Variants in UGGT1 observed in about 807,000 individuals in gnomAD.
The protein encoded by UGGT1 is UDP-glucose glycoprotein glucosyltransferase 1, also known as UDP-glucose:glycoprotein glucosyltransferase 1.
UGGT1 carries 107 observed loss-of-function variants against 203.9 expected under a neutral mutation model. That is an observed-to-expected ratio of 0.52 (90% CI 0.45 to 0.62). UGGT1 has a LOEUF of 0.62. Ranked by LOEUF, UGGT1 falls within the 20% of genes least tolerant of loss-of-function variation. The probability of loss-of-function intolerance (pLI) is 0.00; values close to 1 mark genes in which losing one functional copy is unlikely to be tolerated. For synonymous variants in UGGT1, 628 were observed against 653.5 expected, an observed-to-expected ratio of 0.96 and a Z score of 0.59; for missense variants, 1,673 against 1,867.2, an observed-to-expected ratio of 0.90 and a Z score of 1.92.
intron 5 of UGGT1, among the ~76,000 whole-genome samples, chr2:128,110,333 G>A (rs1383354372): frequency 2.0e-5 from 3 of 152,148 alleles, no homozygotes; most frequent in South Asian, 4.1e-4. Context: ...TGATCTCTCC[G>A]TGGGGTTGGC....
Position 128,138,852 on chromosome 2 carries a change from T to C in UGGT1, c.1719T>C (p.His573=), listed in dbSNP as rs774886371. ...DDYHAFQTLT[H]IYNKVRTGEK... is the part of the protein sequence containing the mutation. Reference sequence around the variant, plus strand: ...ATCATGCCTTCCAGACTCTGACACATGTACGTTTTTGTTCAGAATGGCAAA... The same window carrying C: ...ATCATGCCTTCCAGACTCTGACACACGTACGTTTTTGTTCAGAATGGCAAA... The change falls in exon 16 of 41, where the codon CAT becomes CAC. Residue 573 remains histidine, a splice_region_variant and synonymous_variant. Transcript: ENST00000259253. The C allele has an allele frequency of 2.5e-6, 4 of 1,611,624 alleles. No individual in the cohort carries two copies. The highest frequency in any genetic ancestry group is 3.4e-6 in the Non-Finnish European group (4 of 1,179,420).
intron 9 of UGGT1, 37 bp downstream of exon 9, chr2:128,120,493 T>C (rs1420358486): frequency 1.3e-6 from 2 of 1,567,358 alleles, no homozygotes; most frequent in African/African-American, 2.7e-5. Context: ...GCCTACTTTT[T>C]GGCTAAGTTT....
At chr2:128,095,803 A>G (rs1687093865) in intron 1 of UGGT1, among the ~76,000 whole-genome samples, 1 of 152,228 alleles carries the variant, frequency 6.6e-6, no homozygotes, top group African/African-American at 2.4e-5. Flanking sequence ...CAGGATGTTA[A>G]CACAAATGAT....
At chr2:128,123,694 T>C (rs768267564) in intron 11 of UGGT1, among the ~76,000 whole-genome samples, 2 of 152,200 alleles carry the variant, frequency 1.3e-5, no homozygotes, top group Non-Finnish European at 2.9e-5. Context: ...TCTATCCATC[T>C]TCTCAATATT....
At chr2:128,092,818 G>A (rs1686930423) in intron 1 of UGGT1, among the ~76,000 whole-genome samples, 1 of 151,940 alleles carries the variant, frequency 6.6e-6, no homozygotes. Flanking sequence ...AGCCTCCTAC[G>A]GATGGTTGTT....
chr2:128,132,129 C>G (rs903069968), intron 13 of UGGT1, among the ~76,000 whole-genome samples: 2 of 151,924 alleles, frequency 1.3e-5, no homozygotes, highest in Non-Finnish European at 2.9e-5. Flanking sequence ...CTCATAGTTC[C>G]TAGATTACAA....
intron 13 of UGGT1, among the ~76,000 whole-genome samples, chr2:128,131,922 C>T (rs894207188): frequency 3.9e-5 from 6 of 152,088 alleles, no homozygotes; most frequent in Non-Finnish European, 5.9e-5. Flanking sequence ...CCACCACACC[C>T]GGCAGTACTG....
intron 1 of UGGT1, among the ~76,000 whole-genome samples, chr2:128,092,376 G>A (rs1686906360): frequency 6.7e-6 from 1 of 149,512 alleles, no homozygotes; most frequent in Non-Finnish European, 1.5e-5. Context: ...TTACCTACCA[G>A]TCTGATCTTG....
In UGGT1 at chr2:128,189,830, T is replaced by A. The variant is rs1692167060; in HGVS notation, c.*88T>A. ...TTTTCTGATCTGTCTATACAACTGCTGATAAGCCGGCTGGGCAGGAGTGCC... is the reference window on the plus strand; with the variant it reads ...TTTTCTGATCTGTCTATACAACTGCAGATAAGCCGGCTGGGCAGGAGTGCC... On this transcript the variant is annotated 3_prime_UTR_variant, in exon 41 of 41. Transcript: ENST00000259253. 1 of 1,487,448 alleles carries A rather than the reference T, an allele frequency of 6.7e-7. No individual in the cohort carries two copies. The highest frequency in any genetic ancestry group is 1.4e-5 in the African/African-American group (1 of 72,340). 92.1% of individuals were successfully genotyped at this position (1,487,448 alleles called of 1,614,324 possible).
At chr2:128,164,945 C>A in intron 26 of UGGT1, 120 bp downstream of exon 26, 1 of 728,568 alleles carries the variant, frequency 1.4e-6, no homozygotes, top group Non-Finnish European at 2.1e-6. Context: ...AGGAATTGAA[C>A]ATTTGTTTGG....
At chr2:128,165,472 C>T (rs773569627) in intron 26 of UGGT1, among the ~76,000 whole-genome samples, 3 of 152,088 alleles carry the variant, frequency 2.0e-5, no homozygotes, top group Non-Finnish European at 2.9e-5. Context: ...CTGAGGCCAG[C>T]GGATCACCTG....
At chr2:128,151,465 A>G (rs1031427639) in intron 18 of UGGT1, among the ~76,000 whole-genome samples, 10 of 152,150 alleles carry the variant, frequency 6.6e-5, no homozygotes, top group African/African-American at 1.9e-4. Flanking sequence ...AGTTGTATAC[A>G]TGGGCCAACA....
intron 5 of UGGT1, among the ~76,000 whole-genome samples, chr2:128,112,036 G>A (rs1256915316): frequency 6.6e-6 from 1 of 151,732 alleles, no homozygotes; most frequent in African/African-American, 2.4e-5. Flanking sequence ...TTGAGCTCTG[G>A]AGGTCGAGGC....
chr2:128,163,157 A>G (rs1328042627), intron 25 of UGGT1, among the ~76,000 whole-genome samples: 1 of 152,132 alleles, frequency 6.6e-6, no homozygotes, highest in Non-Finnish European at 1.5e-5. Context: ...GCCCCTTGAC[A>G]TGTTTTGTAA....
intron 38 of UGGT1, among the ~76,000 whole-genome samples, chr2:128,184,637 TCTC>T (rs1436579475): frequency 6.6e-6 from 1 of 152,238 alleles, no homozygotes. Flanking sequence ...CTCATTTTCT[TCTC>T]CTCTATCTCA....
chr2:128,106,562 A>G (rs11683020), intron 3 of UGGT1, among the ~76,000 whole-genome samples: 136,998 of 152,168 alleles, frequency 0.9, 62,442 homozygotes, highest in Non-Finnish European at 0.98. Context: ...GGAACATTTT[A>G]TTTTCATTAT....
chr2:128,120,247 T>C (rs1431287115), intron 8 of UGGT1, 109 bp from the exon 9 acceptor site: 3 of 960,466 alleles, frequency 3.1e-6, no homozygotes, highest in Non-Finnish European at 4.7e-6. Flanking sequence ...TCGTAGAAAA[T>C]TTCCTAGGGT....
chr2:128,101,589 G>C (rs1687375380), intron 2 of UGGT1, among the ~76,000 whole-genome samples: 1 of 152,164 alleles, frequency 6.6e-6, no homozygotes, highest in Non-Finnish European at 1.5e-5. Context: ...TAGCATGTTA[G>C]AGGTATAAAT....
At chr2:128,123,804 C>G (rs748464968) in intron 11 of UGGT1, among the ~76,000 whole-genome samples, 4 of 152,102 alleles carry the variant, frequency 2.6e-5, no homozygotes, top group Non-Finnish European at 4.4e-5. Context: ...CCTTTAACCT[C>G]CTTTGTTGGA....
Sources: gnomAD v4.1 joint callset for allele counts (sites outside exome capture counted in the v4.1 genomes callset) on GRCh38, gnomAD v4.1.1 for gene constraint, MANE v1.5 for transcripts, NCBI Gene and HGNC (gene_info 2026-07-23, HGNC 2026-07-21) for gene names.